The following TNRC6B variants were observed in gnomAD, a reference collection of about 807,000 sequenced individuals.
TNRC6B encodes the protein trinucleotide repeat containing adaptor 6B.
Under a neutral mutation model 203.6 loss-of-function variants are expected in TNRC6B, and 52 were observed. The observed-to-expected ratio is 0.26, with a 90% CI of 0.20 to 0.32. TNRC6B has a LOEUF of 0.32. TNRC6B is among the 10% of genes least tolerant of loss of function. The pLI is 1.00. For synonymous variants in TNRC6B, 838 were observed against 845.7 expected, an observed-to-expected ratio of 0.99 and a Z score of 0.16; for missense variants, 1,923 against 2,286.2, an observed-to-expected ratio of 0.84 and a Z score of 3.24.
At chr22:40,134,586 G>A (rs375532193) in intron 3 of TNRC6B, among the ~76,000 whole-genome samples, 1 of 152,164 alleles carries the variant, frequency 6.6e-6, no homozygotes, top group East Asian at 1.9e-4. Flanking sequence ...GCTACGGGAG[G>A]GATAGCATTA....
intron 1 of TNRC6B, among the ~76,000 whole-genome samples, chr22:40,090,942 C>T (rs1044538861): frequency 2.6e-5 from 4 of 152,164 alleles, no homozygotes; most frequent in African/African-American, 4.8e-5. Context: ...CAAGAGAAGA[C>T]TCTCTTCATC....
chr22:40,279,972 A>C, intron 9 of TNRC6B, 23 bp from the exon 10 acceptor site: 2 of 1,612,158 alleles, frequency 1.2e-6, no homozygotes, highest in Non-Finnish European at 1.7e-6. Context: ...GGAAATTTTC[A>C]CTCTGTGTAT....
At chr22:40,048,534 C>A (rs1319608261) in intron 1 of TNRC6B, among the ~76,000 whole-genome samples, 1 of 147,374 alleles carries the variant, frequency 6.8e-6, no homozygotes. Context: ...GAGCGAGGCT[C>A]CGTCTCAAAA....
At chr22:40,300,722 G>A in intron 13 of TNRC6B, 136 bp downstream of exon 13, 1 of 1,310,380 alleles carries the variant, frequency 7.6e-7, no homozygotes, top group Non-Finnish European at 1.0e-6. Context: ...GCAAACTATG[G>A]AGTGTGCTTA....
chr22:40,126,183 T>TC (rs2068491770), intron 3 of TNRC6B, among the ~76,000 whole-genome samples: 1 of 152,220 alleles, frequency 6.6e-6, no homozygotes, highest in Non-Finnish European at 1.5e-5. Context: ...TCAAAGCTGG[T>TC]CCCCTGTTCC....
chr22:40,062,207 T>G (rs1940036527), intron 1 of TNRC6B, among the ~76,000 whole-genome samples: 1 of 152,338 alleles, frequency 6.6e-6, no homozygotes, highest in South Asian at 2.1e-4. Context: ...TTACTTTATT[T>G]ATTTATTTTT....
intron 1 of TNRC6B, among the ~76,000 whole-genome samples, chr22:40,218,324 C>CTTTTTTTTT (rs71199275): frequency 1.7e-4 from 17 of 97,484 alleles, no homozygotes; most frequent in South Asian, 7.3e-4. Flanking sequence ...TTTTTCTTTT[C>CTTTTTTTTT]TTTTTTTTTT....
chr22:40,156,033 TG>T (rs2146353230), intron 3 of TNRC6B: 1 of 1,300,676 alleles, frequency 7.7e-7, no homozygotes, highest in East Asian at 2.5e-5. Flanking sequence ...CCTGTGGTTC[TG>T]CACAGGGCAG....
In TNRC6B at chr22:40,328,352, C is replaced by T. The variant is rs559954678; in HGVS notation, c.*5111C>T. ...CATGAATGTAGCATAAGTTAGCAAT[C>T]GGTTCTTCCAAACTCCTGTGGGTTG... On this transcript the variant is annotated 3_prime_UTR_variant, in exon 23 of 23. Transcript: ENST00000454349. 60 of 152,258 alleles carry T rather than the reference C, an allele frequency of 3.9e-4. No individual in the cohort carries two copies. Among genetic ancestry groups the T allele is most frequent in the African/African-American group, 1.3e-3 (56 of 41,526 alleles). The allele number at this position is 152,258 out of a possible 1,614,324, so 9.4% of individuals were successfully genotyped here.
intron 1 of TNRC6B, among the ~76,000 whole-genome samples, chr22:40,234,737 A>G (rs1324250237): frequency 6.6e-6 from 1 of 152,182 alleles, no homozygotes; most frequent in African/African-American, 2.4e-5. Flanking sequence ...TAATCTTTCT[A>G]GTTTTAATGT....
intron 3 of TNRC6B, among the ~76,000 whole-genome samples, chr22:40,144,447 G>A (rs552909953): frequency 6.8e-4 from 102 of 151,018 alleles, no homozygotes; most frequent in African/African-American, 1.8e-3. Context: ...AGGCCGAGGC[G>A]GGCGGATCAC....
intron 12 of TNRC6B, among the ~76,000 whole-genome samples, chr22:40,298,810 C>G (rs936686287): frequency 2.3e-4 from 35 of 152,050 alleles, no homozygotes; most frequent in African/African-American, 8.5e-4. Context: ...ACTAAAAATA[C>G]CAAAAATTAG....
At chr22:40,300,683 G>T in intron 13 of TNRC6B, 97 bp downstream of exon 13, 1 of 1,451,450 alleles carries the variant, frequency 6.9e-7, no homozygotes, top group Non-Finnish European at 9.2e-7. Flanking sequence ...CACTTTCTAT[G>T]TTCAAAGGGT....
At position 40,132,959 on chromosome 22, in the gene TNRC6B, A is replaced by AT. The variant is rs1311182876; in HGVS notation, c.45+7097_45+7098insT. Among the ~76,000 whole-genome samples the AT allele has an allele frequency of 3.0e-4, 29 of 96,314 alleles. 1 individual carries two copies. The highest frequency in any genetic ancestry group is 2.0e-4 in the Non-Finnish European group (9 of 45,764). The allele number at this position is 96,314 out of a possible 152,430, so 63.2% of individuals were successfully genotyped here. A position where few individuals can be genotyped will look rare whatever the true frequency, so the allele number is the denominator to read the frequency against. On this transcript the variant is annotated intron_variant, in intron 3 of 23. Coordinates refer to the TNRC6B transcript ENST00000301923. The stretch of plus-strand genomic sequence containing the variant: ...ACTCTGTCTCAAAAAAAAAAAAAAA[A>AT]AAAAAAAAAAATATATATATATATA...
At chr22:40,167,884 A>G (rs1270587870) in intron 4 of TNRC6B, among the ~76,000 whole-genome samples, 1 of 152,120 alleles carries the variant, frequency 6.6e-6, no homozygotes, top group African/African-American at 2.4e-5. Flanking sequence ...AACAAAAAAC[A>G]GTAACCAAAA....
At chr22:40,143,669 T>G (rs537317645) in intron 3 of TNRC6B, among the ~76,000 whole-genome samples, 37 of 152,192 alleles carry the variant, frequency 2.4e-4, no homozygotes, top group Middle Eastern at 3.4e-3. Context: ...GCTAATTTTT[T>G]GTATTTTTAG....
chr22:40,166,909 G>GA, intron 4 of TNRC6B, among the ~76,000 whole-genome samples: 1 of 137,002 alleles, frequency 7.3e-6, no homozygotes, highest in East Asian at 2.1e-4. Flanking sequence ...AAAAAAAAAA[G>GA]AAAAAATTGT....
intron 1 of TNRC6B, among the ~76,000 whole-genome samples, chr22:40,093,121 T>G (rs901996873): frequency 6.6e-6 from 1 of 152,180 alleles, no homozygotes; most frequent in African/African-American, 2.4e-5. Context: ...TTTTATCAAT[T>G]AAGAAAATAA....
At chr22:40,122,303 G>A (rs2068453530) in intron 2 of TNRC6B, among the ~76,000 whole-genome samples, 3 of 152,174 alleles carry the variant, frequency 2.0e-5, no homozygotes, top group Admixed American at 1.3e-4. Flanking sequence ...AAGCGGTATT[G>A]GACCGCCCAT....
Sources: gnomAD v4.1 joint callset for allele counts (sites outside exome capture counted in the v4.1 genomes callset) on GRCh38, gnomAD v4.1.1 for gene constraint, MANE v1.5 for transcripts, NCBI Gene and HGNC (gene_info 2026-07-23, HGNC 2026-07-21) for gene names.